TSPEAR: variants seen among roughly 807,000 people sequenced by gnomAD.
The protein encoded by TSPEAR is thrombospondin type laminin G domain and EAR repeats.
A neutral mutation model predicts 71.6 loss-of-function variants in TSPEAR; 69 were observed. The ratio of observed to expected loss-of-function variants is 0.96; its 90% CI spans 0.79 to 1.18. The LOEUF (loss-of-function observed/expected upper bound fraction) is 1.18. TSPEAR is among the 50% of genes most tolerant of loss of function. The pLI, the probability that TSPEAR is intolerant of heterozygous loss-of-function variation, is 0.00. For synonymous variants in TSPEAR, 402 were observed against 387.2 expected (o/e 1.04, Z -0.45); for missense variants, 971 against 894.9 (o/e 1.09, Z -1.09).
chr21:44,682,932 AT>A (rs1555948327), intron 1 of TSPEAR, among the ~76,000 whole-genome samples: 1 of 152,116 alleles, frequency 6.6e-6, no homozygotes, highest in Non-Finnish European at 1.5e-5. Context: ...CTGACTGTGA[AT>A]CTGTGGAACG....
At chr21:44,522,622 C>T (rs1173570035) in intron 8 of TSPEAR, among the ~76,000 whole-genome samples, 3 of 152,216 alleles carry the variant, frequency 2.0e-5, no homozygotes, top group Non-Finnish European at 2.9e-5. Flanking sequence ...AGACCCAGGC[C>T]GGCTCGTGGA....
intron 1 of TSPEAR, chr21:44,638,082 G>C (rs149607142): frequency 5.0e-6 from 8 of 1,613,346 alleles, no homozygotes; most frequent in African/African-American, 2.7e-5. Context: ...AGCTGCTGCC[G>C]CACGGCCTCC....
At chr21:44,605,334 T>A (rs1221704150) in intron 1 of TSPEAR, among the ~76,000 whole-genome samples, 1 of 152,222 alleles carries the variant, frequency 6.6e-6, no homozygotes, top group Non-Finnish European at 1.5e-5. Flanking sequence ...ATGTCCCATA[T>A]TCACGGATTA....
chr21:44,572,859 AC>A, intron 1 of TSPEAR, among the ~76,000 whole-genome samples: 1 of 150,856 alleles, frequency 6.6e-6, no homozygotes, highest in East Asian at 2.0e-4. Context: ...ACACACACAC[AC>A]ACACACACAC....
At chr21:44,550,604 G>C in intron 2 of TSPEAR, 2 of 1,556,028 alleles carry the variant, frequency 1.3e-6, no homozygotes, top group Non-Finnish European at 1.7e-6. Flanking sequence ...TCTGTGCTGA[G>C]CTGTGCTGAG....
intron 8 of TSPEAR, among the ~76,000 whole-genome samples, 160 bp from the exon 9 acceptor site, chr21:44,522,272 C>G (rs76470396): frequency 1.3e-5 from 2 of 152,226 alleles, no homozygotes; most frequent in Non-Finnish European, 2.9e-5. Context: ...TTGAGCCTCC[C>G]GCCCTCAGCC....
chr21:44,677,002 A>G, intron 1 of TSPEAR: 1 of 902,962 alleles, frequency 1.1e-6, no homozygotes. Context: ...CCCAGGAAGG[A>G]CTTCTGGAGT....
At chr21:44,556,975 A>G (rs1009480546) in intron 2 of TSPEAR, among the ~76,000 whole-genome samples, 1 of 152,238 alleles carries the variant, frequency 6.6e-6, no homozygotes, top group Non-Finnish European at 1.5e-5. Context: ...CTGCTGTTAC[A>G]CTATGAAAAA....
In TSPEAR at chr21:44,679,556, T is replaced by C. The variant is rs140103140; in HGVS notation, c.82+31877A>G. Reference sequence around the variant, plus strand: ...GAAGTAGAAAAAACAGTCCTAAAATTCATATGGAACCAAAAAGGACCCTGA... The same window carrying C: ...GAAGTAGAAAAAACAGTCCTAAAATCCATATGGAACCAAAAAGGACCCTGA... On this transcript the variant is annotated intron_variant, in intron 1 of 11. Transcript: ENST00000323084. Among the ~76,000 whole-genome samples the C allele has an allele frequency of 2.0e-3, 307 of 152,204 alleles. 4 individuals are homozygous for C. The highest frequency in any genetic ancestry group is 6.9e-3 in the African/African-American group (286 of 41,528).
chr21:44,598,410 G>A (rs372135819), intron 1 of TSPEAR, among the ~76,000 whole-genome samples: 18 of 152,268 alleles, frequency 1.2e-4, no homozygotes, highest in African/African-American at 4.3e-4. Flanking sequence ...CCAGCCATAT[G>A]GGAGACACCC....
In TSPEAR at chr21:44,624,033, C is replaced by A. The variant is rs1257770395; in HGVS notation, c.83-56028G>T. 2.0e-5 allele frequency among the ~76,000 whole-genome samples: 3 copies of A among 152,194 alleles called. No individual in the cohort carries two copies. The South Asian group carries it at 6.2e-4, about 32-fold the overall frequency. On this transcript the variant is annotated intron_variant, in intron 1 of 11. Coordinates refer to ENST00000323084, the MANE Select transcript of TSPEAR (RefSeq NM_144991.3). Reference sequence around the variant, plus strand: ...TACTCATCTCCTCCTATGATTTCAACCATTTATATTCATAATTATTTACAA... The same window carrying A: ...TACTCATCTCCTCCTATGATTTCAAACATTTATATTCATAATTATTTACAA...
At chr21:44,639,065 G>A (rs1555937956) in intron 1 of TSPEAR, among the ~76,000 whole-genome samples, 2 of 152,092 alleles carry the variant, frequency 1.3e-5, no homozygotes, top group African/African-American at 4.8e-5. Flanking sequence ...GAGCACAGAT[G>A]GGCAGGGACC....
At chr21:44,707,027 G>A (rs1313536095) in intron 1 of TSPEAR, among the ~76,000 whole-genome samples, 1 of 152,252 alleles carries the variant, frequency 6.6e-6, no homozygotes, top group African/African-American at 2.4e-5. Flanking sequence ...CTTTCCTAGC[G>A]GAATTGGCGC....
intron 9 of TSPEAR, 86 bp downstream of exon 9, chr21:44,521,797 C>T (rs1555914288): frequency 1.5e-6 from 2 of 1,332,286 alleles, no homozygotes; most frequent in South Asian, 2.5e-5. Flanking sequence ...CGGTGGACCC[C>T]CAGCCCACAT....
intron 1 of TSPEAR, among the ~76,000 whole-genome samples, chr21:44,604,437 C>G (rs922768947): frequency 1.3e-5 from 2 of 152,144 alleles, no homozygotes; most frequent in Non-Finnish European, 2.9e-5. Flanking sequence ...TCTCACCTAC[C>G]ATCGAGACAC....
At chr21:44,604,503 AAT>A (rs1981187142) in intron 1 of TSPEAR, among the ~76,000 whole-genome samples, 4 of 152,102 alleles carry the variant, frequency 2.6e-5, no homozygotes, top group Admixed American at 2.6e-4. Context: ...AAGATAAGAT[AAT>A]GAGATCTCTA....
chr21:44,688,459 G>A (rs1157861376), intron 1 of TSPEAR, among the ~76,000 whole-genome samples: 4 of 152,294 alleles, frequency 2.6e-5, no homozygotes, highest in East Asian at 3.9e-4. Flanking sequence ...GGTGGCTCAC[G>A]CCTGTAATCC....
At chr21:44,614,819 GAGA>G (rs1200283897) in intron 1 of TSPEAR, among the ~76,000 whole-genome samples, 3 of 152,226 alleles carry the variant, frequency 2.0e-5, no homozygotes, top group Non-Finnish European at 4.4e-5. Context: ...ACACTCGACC[GAGA>G]AGATTTCAAT....
chr21:44,694,640 T>C (rs1322487763), intron 1 of TSPEAR, among the ~76,000 whole-genome samples: 2 of 152,162 alleles, frequency 1.3e-5, no homozygotes, highest in East Asian at 3.8e-4. Context: ...ATATATTTTA[T>C]CACAAAAAAA....
Sources: allele counts gnomAD v4.1 joint callset (sites outside exome capture counted in the v4.1 genomes callset), GRCh38; gene constraint gnomAD v4.1.1; transcripts MANE v1.5; gene names NCBI Gene and HGNC (gene_info 2026-07-23, HGNC 2026-07-21).